KCNJ5: variants seen among roughly 807,000 people sequenced by gnomAD.
The protein encoded by KCNJ5 is G protein-activated inward rectifier potassium channel 4.
A neutral mutation model predicts 20.2 loss-of-function variants in KCNJ5; 12 were observed. The observed-to-expected ratio is 0.59, with a 90% CI of 0.38 to 0.96. The LOEUF (loss-of-function observed/expected upper bound fraction) is 0.96, where lower values mean the gene tolerates loss of function less well. KCNJ5 is among the 40% of genes least tolerant of loss of function. KCNJ5 has a pLI of 0.00. For missense variants in KCNJ5, 449 were observed against 557.6 expected (o/e 0.81, Z 1.96); for synonymous variants, 210 against 213.9 (o/e 0.98, Z 0.16).
At chr11:128,898,317 T>C (rs2135984156) in intron 1 of KCNJ5, among the ~76,000 whole-genome samples, 1 of 152,378 alleles carries the variant, frequency 6.6e-6, no homozygotes, top group East Asian at 1.9e-4. Context: ...TTGCTATTCT[T>C]CAGTTTCTTT....
intron 1 of KCNJ5, chr11:128,899,451 T>A (rs550558271): frequency 3.9e-5 from 6 of 152,354 alleles, no homozygotes; most frequent in Non-Finnish European, 5.9e-5. Flanking sequence ...ACTCACATTA[T>A]CTTGCTTTCA....
chr11:128,918,491 T>TA lies in KCNJ5; in HGVS notation c.*1761dup, dbSNP rs1208054154. 3.3e-5 allele frequency: 5 copies of TA among 152,178 alleles called. No individual in the cohort carries two copies. Among genetic ancestry groups the TA allele is most frequent in the Non-Finnish European group, 7.3e-5 (5 of 68,062 alleles). 9.4% of individuals were successfully genotyped at this position (152,178 alleles called of 1,614,324 possible). Reference sequence around the variant, plus strand: ...CGGGTTAGCTGGCCTGACATGGAGATAGAGTGCCAATGTTCCCAGGCCACA... The same window carrying TA: ...CGGGTTAGCTGGCCTGACATGGAGATAAGAGTGCCAATGTTCCCAGGCCACA... On this transcript the variant is annotated 3_prime_UTR_variant, in exon 3 of 3. Coordinates refer to ENST00000529694, the MANE Select transcript of KCNJ5 (RefSeq NM_000890.5).
At chr11:128,912,604 G>A (rs561153026) in intron 2 of KCNJ5, among the ~76,000 whole-genome samples, 61 of 152,182 alleles carry the variant, frequency 4.0e-4, no homozygotes, top group African/African-American at 1.3e-3. Context: ...TCCACCTCCC[G>A]GATTCAAGCG....
Position 128,891,441 on chromosome 11 carries a change from CAGAG to C in KCNJ5, c.-259_-256del, listed in dbSNP as rs71057905. On this transcript the variant is annotated 5_prime_UTR_variant, in exon 1 of 3. Coordinates refer to ENST00000529694, the MANE Select transcript of KCNJ5 (RefSeq NM_000890.5). ...ACACACACACACACACACACACACA[CAGAG>C]AGAGAGAGAGAGAGAGAGAGAGAGA... 123 of 54,926 alleles carry C rather than the reference CAGAG, an allele frequency of 2.2e-3. No individual in the cohort carries two copies. Among genetic ancestry groups the C allele is most frequent in the Admixed American group, 2.9e-3 (14 of 4,838 alleles). 3.4% of individuals were successfully genotyped at this position (54,926 alleles called of 1,614,324 possible). A position where few individuals can be genotyped will look rare whatever the true frequency, so the allele number is the denominator to read the frequency against.
intron 1 of KCNJ5, among the ~76,000 whole-genome samples, chr11:128,895,660 G>A (rs1403744099): frequency 1.3e-5 from 2 of 152,242 alleles, no homozygotes; most frequent in East Asian, 3.8e-4. Flanking sequence ...GTAGGCACCT[G>A]AGCTAGACAG....
At chr11:128,895,182 G>A (rs1428181882) in intron 1 of KCNJ5, among the ~76,000 whole-genome samples, 1 of 152,156 alleles carries the variant, frequency 6.6e-6, no homozygotes. Flanking sequence ...GCGGTCCGGG[G>A]CTGGGTGTAC....
intron 1 of KCNJ5, among the ~76,000 whole-genome samples, chr11:128,896,684 G>A (rs889225237): frequency 6.6e-6 from 1 of 151,986 alleles, no homozygotes; most frequent in African/African-American, 2.4e-5. Context: ...ATCGTCCATA[G>A]TGGGAAGGTA....
At position 128,911,615 on chromosome 11, in the gene KCNJ5, C is replaced by G. The variant is rs539368919; in HGVS notation, c.342C>G (p.Ile114Met). The change falls in exon 2 of 3, where the codon ATC becomes ATG. Residue 114 changes from isoleucine to methionine, a missense_variant. Transcript: ENST00000529694. The surrounding 1 kb of genome is among the most constrained non-coding windows in gnomAD (Gnocchi z 6.3). ...FGFIWWLIAY[I>M]RGDLDHVGDQ... is the part of the protein sequence containing the mutation. ...TCATTTGGTGGCTCATTGCTTATAT[C>G]CGGGGTGACCTGGACCATGTTGGCG... The G allele has an allele frequency of 1.9e-6, 3 of 1,614,202 alleles. No homozygotes were observed. Among genetic ancestry groups the G allele is most frequent in the African/African-American group, 2.7e-5 (2 of 75,054 alleles).
intron 1 of KCNJ5, among the ~76,000 whole-genome samples, chr11:128,910,875 CT>C (rs1272405076): frequency 6.6e-6 from 1 of 152,192 alleles, no homozygotes; most frequent in Non-Finnish European, 1.5e-5. Flanking sequence ...CAGTGAATTG[CT>C]GTGGCGATAA....
chr11:128,895,386 C>A (rs577619734), intron 1 of KCNJ5, among the ~76,000 whole-genome samples: 164 of 149,988 alleles, frequency 1.1e-3, no homozygotes, highest in Non-Finnish European at 1.4e-3. Context: ...GCCCCCACCC[C>A]CCCCCCAACC....
chr11:128,898,466 G>A (rs1944210843), intron 1 of KCNJ5, among the ~76,000 whole-genome samples: 1 of 152,234 alleles, frequency 6.6e-6, no homozygotes. Flanking sequence ...AATGCCATGG[G>A]AAAGTCAAAT....
intron 1 of KCNJ5, chr11:128,902,803 C>G: frequency 1.4e-6 from 2 of 1,411,482 alleles, no homozygotes; most frequent in South Asian, 1.4e-5. Flanking sequence ...ACAACGCAGC[C>G]CAACATGTCC....
chr11:128,902,210 C>T, intron 1 of KCNJ5: 1 of 349,700 alleles, frequency 2.9e-6, no homozygotes, highest in Non-Finnish European at 5.3e-6. Flanking sequence ...TCTGCAGTCC[C>T]TTCCACGATG....
chr11:128,911,824 G>T lies in KCNJ5; in HGVS notation c.551G>T (p.Gly184Val). 6.2e-7 allele frequency: 1 copy of T among 1,614,116 alleles called. No individual in the cohort carries two copies. Among genetic ancestry groups the T allele is most frequent in the Non-Finnish European group, 8.5e-7 (1 of 1,179,986 alleles). Reference sequence around the variant, plus strand: ...TCCATCGTCAATGCCTTCATGGTGGGGTGCATGTTTGTCAAGATCAGCCAG... The same window carrying T: ...TCCATCGTCAATGCCTTCATGGTGGTGTGCATGTTTGTCAAGATCAGCCAG... ...LGSIVNAFMV[G>V]CMFVKISQPK... The change falls in exon 2 of 3, where the codon GGG (glycine) becomes GTG (valine). Residue 184 changes from glycine to valine, a missense_variant. By Grantham distance (109) the Gly-to-Val change is moderately radical (BLOSUM62 -3). Coordinates refer to ENST00000529694, the MANE Select transcript of KCNJ5 (RefSeq NM_000890.5). The surrounding 1 kb of genome is among the most constrained non-coding windows in gnomAD (Gnocchi z 6.3).
chr11:128,905,880 C>G (rs1944403572), intron 1 of KCNJ5: 2 of 152,184 alleles, frequency 1.3e-5, no homozygotes, highest in South Asian at 4.1e-4. Flanking sequence ...ACTAGCCGTG[C>G]GATTCCGGGC....
chr11:128,899,879 G>C (rs1944242385), intron 1 of KCNJ5: 1 of 152,170 alleles, frequency 6.6e-6, no homozygotes, highest in South Asian at 2.1e-4. Context: ...GGAGTGGCGA[G>C]TGGCCCACAG....
intron 1 of KCNJ5, among the ~76,000 whole-genome samples, chr11:128,907,769 G>T (rs1163667797): frequency 1.3e-5 from 2 of 152,226 alleles, no homozygotes; most frequent in Admixed American, 1.3e-4. Context: ...GTCCTCTACA[G>T]ACAGTTCTGC....
At position 128,897,512 on chromosome 11, in the gene KCNJ5, TGA is replaced by T. The variant is rs1190806773; in HGVS notation, c.-11+5793_-11+5794del. 3.3e-5 allele frequency among the ~76,000 whole-genome samples: 5 copies of T among 152,354 alleles called. No homozygotes were observed. The East Asian group carries it at 9.6e-4, about 29-fold the overall frequency. On this transcript the variant is annotated intron_variant, in intron 1 of 2. Transcript: ENST00000529694. The stretch of plus-strand genomic sequence containing the variant: ...GATTGGCTTTTGTTGTTGTTTCTGT[TGA>T]GTTTTGAGAATTTTTAAGTATATAT...
At chr11:128,892,769 G>C (rs542787844) in intron 1 of KCNJ5, among the ~76,000 whole-genome samples, 1 of 152,296 alleles carries the variant, frequency 6.6e-6, no homozygotes, top group Non-Finnish European at 1.5e-5. Flanking sequence ...GGTTCTCAAA[G>C]CACTTTTCCA....
Sources: gnomAD v4.1 joint callset for allele counts (sites outside exome capture counted in the v4.1 genomes callset) on GRCh38, gnomAD v4.1.1 for gene constraint, Gnocchi (gnomAD v3.1) non-coding constraint, MANE v1.5 for transcripts, NCBI Gene and HGNC (gene_info 2026-07-23, HGNC 2026-07-21) for gene names.